The following CSF2RA variants were observed in gnomAD, a reference collection of about 807,000 sequenced individuals.
CSF2RA encodes granulocyte-macrophage colony-stimulating factor receptor subunit alpha.
A neutral mutation model predicts 51.6 loss-of-function variants in CSF2RA; 42 were observed. The ratio of observed to expected loss-of-function variants is 0.81; its 90% CI spans 0.64 to 1.05. The LOEUF is 1.05. Among genes scored for constraint, CSF2RA ranks in the 50% least tolerant of loss-of-function variants. The pLI is 0.00. For missense variants in CSF2RA, 530 were observed against 501.1 expected (o/e 1.06, Z -0.55); for synonymous variants, 222 against 193.0 (o/e 1.15, Z -1.24).
intron 1 of CSF2RA, among the ~76,000 whole-genome samples, chrX:1,272,574 A>C (rs183583204): frequency 1.3e-5 from 2 of 149,638 alleles, no homozygotes; most frequent in South Asian, 4.2e-4. Flanking sequence ...TGCAACCTCC[A>C]CCTCCTGGGT....
chrX:1,293,556 A>C (rs1413270604), intron 7 of CSF2RA, among the ~76,000 whole-genome samples: 2 of 152,148 alleles, frequency 1.3e-5, no homozygotes, highest in African/African-American at 4.8e-5. Flanking sequence ...CAGAGTAGAC[A>C]AAGAGGTGTC....
downstream of CSF2RA, among the ~76,000 whole-genome samples, chrX:1,313,782 A>C (rs2084286950): frequency 6.6e-6 from 1 of 152,008 alleles, no homozygotes; most frequent in African/African-American, 2.4e-5. Context: ...TGAGGTCAGG[A>C]GTCCGAGACC....
intron 9 of CSF2RA, 178 bp from the exon 10 acceptor site, chrX:1,300,313 G>A (rs2092284494): frequency 2.8e-6 from 2 of 724,382 alleles, no homozygotes; most frequent in Admixed American, 5.6e-5. Context: ...AACGAGGCTT[G>A]ACTCTGCTTA....
At position 1,309,446 on chromosome X, in the gene CSF2RA, C is replaced by T. The variant is rs770943329; in HGVS notation, c.1170C>T (p.Arg390=). 13 of 1,613,846 alleles carry T rather than the reference C, an allele frequency of 8.1e-6. No individual in the cohort carries two copies. Among genetic ancestry groups the T allele is most frequent in the Middle Eastern group, 1.6e-4 (1 of 6,078 alleles). The change falls in exon 13 of 13, where the codon CGC becomes CGT. Residue 390 remains arginine, a synonymous_variant. Transcript: ENST00000381529. ...CCCCAGAGGAAGGGAAAGGCTACCG[C>T]GAAGAGGTCTTGACCGTGAAGGAAA... is the stretch of plus-strand genomic sequence containing the variant. ...EFTPEEGKGY[R]EEVLTVKEIT
chrX:1,305,735 A>T (rs2083498684), intron 12 of CSF2RA: 2 of 1,552,294 alleles, frequency 1.3e-6, no homozygotes, highest in Non-Finnish European at 1.7e-6. Flanking sequence ...CATCTCTGTG[A>T]GCTCCATCAG....
At chrX:1,286,804 C>A (rs184482061) in intron 4 of CSF2RA, among the ~76,000 whole-genome samples, 54 of 152,144 alleles carry the variant, frequency 3.5e-4, no homozygotes, top group African/African-American at 1.2e-3. Flanking sequence ...GTTGGATGTG[C>A]CCCTGGGTCT....
rs1176458563 is a variant in CSF2RA, at chrX:1,268,834, G to A, written c.-136G>A. 3 of 454,150 alleles carry A rather than the reference G, an allele frequency of 6.6e-6. No individual in the cohort carries two copies. The highest frequency in any genetic ancestry group is 1.3e-5 in the Non-Finnish European group (3 of 226,782). 28.1% of individuals were successfully genotyped at this position (454,150 alleles called of 1,614,324 possible). ...GAGCTACTCAGAAGCGGGAGTCTCCGAGAGAAGAAAAGCAGGTGGAAGGAG... is the reference window on the plus strand; with the variant it reads ...GAGCTACTCAGAAGCGGGAGTCTCCAAGAGAAGAAAAGCAGGTGGAAGGAG... On this transcript the variant is annotated 5_prime_UTR_variant, in exon 1 of 13. Transcript: ENST00000381529.
intron 3 of CSF2RA, among the ~76,000 whole-genome samples, chrX:1,283,924 C>G (rs1407097563): frequency 6.6e-6 from 1 of 151,986 alleles, no homozygotes; most frequent in Admixed American, 6.6e-5. Flanking sequence ...AATGATAGCT[C>G]ATTGTGGTTT....
intron 12 of CSF2RA, chrX:1,305,863 C>A (rs2148671926): frequency 7.1e-7 from 1 of 1,406,824 alleles, no homozygotes; most frequent in East Asian, 2.5e-5. Flanking sequence ...TGTGGATCAT[C>A]TGAGGTCAGA....
At chrX:1,278,512 C>G (rs1181607679) in intron 2 of CSF2RA, among the ~76,000 whole-genome samples, 3 of 143,612 alleles carry the variant, frequency 2.1e-5, no homozygotes, top group Non-Finnish European at 3.0e-5. Flanking sequence ...CATGGTGAAA[C>G]CCCATCTCTA....
chrX:1,310,675 A>AG (rs1260806048), downstream of CSF2RA, among the ~76,000 whole-genome samples: 2 of 151,816 alleles, frequency 1.3e-5, no homozygotes, highest in African/African-American at 4.8e-5. Flanking sequence ...CTCAAAAAAA[A>AG]AAAAAAAAAA....
chrX:1,310,667 C>CAA (rs542174861), downstream of CSF2RA, among the ~76,000 whole-genome samples: 720 of 121,596 alleles, frequency 5.9e-3, 14 homozygotes, highest in African/African-American at 0.02. Flanking sequence ...GACTCCATCT[C>CAA]AAAAAAAAAA....
chrX:1,276,793 GCCT>G (rs2089243525), intron 2 of CSF2RA, among the ~76,000 whole-genome samples: 1 of 151,996 alleles, frequency 6.6e-6, no homozygotes, highest in South Asian at 2.1e-4. Flanking sequence ...GCATATCCTG[GCCT>G]CCTAGAAAGC....
rs2092169149 is a variant in CSF2RA, at chrX:1,298,751, TGACCCCCA to T, written c.811-1738_811-1731del. On this transcript the variant is annotated intron_variant, in intron 9 of 12. Coordinates refer to ENST00000381529, the MANE Select transcript of CSF2RA (RefSeq NM_172245.4). ...TCACGACCCCTAGTGTAACCCCACA[TGACCCCCA>T]GTGTAACCCTATAGTCCCCTACCCA... 6.3e-4 allele frequency among the ~76,000 whole-genome samples: 6 copies of T among 9,554 alleles called. 1 individual carries two copies. In the South Asian group the frequency reaches 0.011, roughly 18 times the overall value. 6.3% of individuals were successfully genotyped at this position (9,554 alleles called of 152,430 possible).
At chrX:1,271,884 C>A (rs1257106298) in intron 1 of CSF2RA, among the ~76,000 whole-genome samples, 2 of 152,046 alleles carry the variant, frequency 1.3e-5, no homozygotes, top group Non-Finnish European at 2.9e-5. Context: ...AGCTCTTGGT[C>A]CCCTGTAGGT....
chrX:1,277,178 G>C (rs1433496333), intron 2 of CSF2RA, among the ~76,000 whole-genome samples: 1 of 152,002 alleles, frequency 6.6e-6, no homozygotes, highest in Non-Finnish European at 1.5e-5. Context: ...CTTAGAAGTC[G>C]CTCATTATAA....
In CSF2RA at chrX:1,309,882, C is replaced by T; in HGVS notation, c.*403C>T. 1 of 583,032 alleles carries T rather than the reference C, an allele frequency of 1.7e-6. No homozygotes were observed. Among genetic ancestry groups the T allele is most frequent in the Non-Finnish European group, 3.0e-6 (1 of 329,360 alleles). The allele number at this position is 583,032 out of a possible 1,614,324, so 36.1% of individuals were successfully genotyped here. On this transcript the variant is annotated 3_prime_UTR_variant, in exon 13 of 13. Coordinates refer to ENST00000381529, the MANE Select transcript of CSF2RA (RefSeq NM_172245.4). ...CAACCTGCGTGACAGAGCAAGATTG[C>T]ATCTCAAAACAAACAATAATAATAA... is the stretch of plus-strand genomic sequence containing the variant.
intron 2 of CSF2RA, among the ~76,000 whole-genome samples, chrX:1,278,279 G>A (rs1468550538): frequency 6.7e-6 from 1 of 150,156 alleles, no homozygotes; most frequent in Non-Finnish European, 1.5e-5. Context: ...GTTGCAGTGA[G>A]CCAAGATGGC....
At chrX:1,309,343 C>T in intron 12 of CSF2RA, 59 bp from the exon 13 acceptor site, 1 of 1,503,918 alleles carries the variant, frequency 6.6e-7, no homozygotes, top group East Asian at 2.3e-5. Flanking sequence ...AAACACAGCC[C>T]ACTGAGTCCC....
Sources: allele counts gnomAD v4.1 joint callset (sites outside exome capture counted in the v4.1 genomes callset), GRCh38; gene constraint gnomAD v4.1.1; transcripts MANE v1.5; gene names NCBI Gene and HGNC (gene_info 2026-07-23, HGNC 2026-07-21).